Variants in NNT observed in about 807,000 individuals in gnomAD.
NNT encodes the protein NAD(P) transhydrogenase, mitochondrial.
In NNT, 50 loss-of-function variants were observed where a neutral mutation model predicts 104.8. The observed-to-expected ratio is 0.48, with a 90% confidence interval of 0.38 to 0.60. The LOEUF is 0.60. Ranked by LOEUF, NNT falls within the 20% of genes least tolerant of loss-of-function variation. NNT has a pLI of 0.00. For synonymous variants in NNT, 461 were observed against 490.4 expected (o/e 0.94, Z 0.79); for missense variants, 1,131 against 1,330.7 (o/e 0.85, Z 2.33).
chr5:43,628,441 A>T, intron 7 of NNT, 54 bp downstream of exon 7: 1 of 1,371,794 alleles, frequency 7.3e-7, no homozygotes, highest in African/African-American at 1.5e-5. Flanking sequence ...TTTTTTTTTA[A>T]AAAAAAGCGA....
intron 1 of NNT, among the ~76,000 whole-genome samples, chr5:43,605,334 G>A (rs917134051): frequency 3.3e-5 from 5 of 150,996 alleles, no homozygotes; most frequent in Admixed American, 6.6e-5. Flanking sequence ...GGCTAACAAG[G>A]TGAAACCCCG....
At chr5:43,623,884 C>T (rs947591866) in intron 5 of NNT, 148 bp from the exon 6 acceptor site, 2 of 748,086 alleles carry the variant, frequency 2.7e-6, no homozygotes, top group Non-Finnish European at 4.8e-6. Context: ...GTACTCCATA[C>T]AGTTACTAAG....
intron 19 of NNT, among the ~76,000 whole-genome samples, chr5:43,690,908 A>G (rs1333487829): frequency 6.6e-6 from 1 of 152,250 alleles, no homozygotes; most frequent in African/African-American, 2.4e-5. Context: ...GTTAACAAAA[A>G]GCTTTTTTTT....
Position 43,648,414 on chromosome 5 carries a change from C to T in NNT, c.1445-733C>T, listed in dbSNP as rs116805683. ...TGCAGAACAACTGTCCACATGTTTG[C>T]TATCAAGGAAGGCGATAATTAAAGA... On this transcript the variant is annotated intron_variant, in intron 10 of 21. Transcript: ENST00000344920. 3.2e-3 allele frequency: 536 copies of T among 169,556 alleles called. 1 individual carries two copies. The highest frequency in any genetic ancestry group is 4.8e-3 in the Non-Finnish European group (393 of 81,166). The allele number at this position is 169,556 out of a possible 1,614,324, so 10.5% of individuals were successfully genotyped here. A position where few individuals can be genotyped will look rare whatever the true frequency, so the allele number is the denominator to read the frequency against.
intron 17 of NNT, among the ~76,000 whole-genome samples, chr5:43,673,516 CA>C (rs752909178): frequency 1.3e-5 from 2 of 152,034 alleles, no homozygotes; most frequent in Admixed American, 6.5e-5. Context: ...ATTTTAAGGG[CA>C]AAAATTTGGT....
intron 1 of NNT, among the ~76,000 whole-genome samples, chr5:43,606,313 A>T (rs1259851419): frequency 6.6e-6 from 1 of 152,018 alleles, no homozygotes; most frequent in African/African-American, 2.4e-5. Flanking sequence ...AAAAAATCTC[A>T]CTCAAGACAA....
At chr5:43,681,259 C>CA (rs559273026) in intron 19 of NNT, among the ~76,000 whole-genome samples, 3,936 of 57,902 alleles carry the variant, frequency 0.068, 123 homozygotes, top group Middle Eastern at 0.094. Flanking sequence ...GGCTCCTTCT[C>CA]AAAAAAAAAA....
At chr5:43,654,525 C>G (rs1739941365) in intron 14 of NNT, among the ~76,000 whole-genome samples, 1 of 152,208 alleles carries the variant, frequency 6.6e-6, no homozygotes, top group South Asian at 2.1e-4. Context: ...TTACTTTCGT[C>G]TTACTTATTA....
At chr5:43,661,554 T>TC (rs1471183911) in intron 17 of NNT, among the ~76,000 whole-genome samples, 1 of 79,058 alleles carries the variant, frequency 1.3e-5, no homozygotes, top group East Asian at 4.3e-4. Flanking sequence ...ATGCTATCCC[T>TC]CCCCCCTCCC....
intron 5 of NNT, among the ~76,000 whole-genome samples, chr5:43,620,242 C>T (rs28582463): frequency 0.044 from 6,615 of 151,324 alleles, 470 homozygotes; most frequent in African/African-American, 0.15. Flanking sequence ...TTTTTTGAGA[C>T]GGAGTCTCAC....
chr5:43,653,659 T>G (rs1739888571), intron 14 of NNT: 1 of 152,734 alleles, frequency 6.5e-6, no homozygotes, highest in Admixed American at 6.5e-5. Context: ...ATTGTTAAAT[T>G]TTCAGGAATT....
intron 8 of NNT, 97 bp downstream of exon 8, chr5:43,644,422 G>A: frequency 6.1e-6 from 9 of 1,466,096 alleles, no homozygotes; most frequent in Middle Eastern, 1.9e-4. Flanking sequence ...ATTAAGGCTT[G>A]AAATTTTAAA....
At chr5:43,682,160 C>T (rs1471593209) in intron 19 of NNT, among the ~76,000 whole-genome samples, 3 of 147,316 alleles carry the variant, frequency 2.0e-5, no homozygotes, top group Non-Finnish European at 3.0e-5. Context: ...TCTTTGAAGA[C>T]ACTTGAAAAT....
In NNT at chr5:43,636,336, G is replaced by C. The variant is rs114644475; in HGVS notation, c.965-7856G>C. On this transcript the variant is annotated intron_variant, in intron 7 of 21. Transcript: ENST00000344920. Reference sequence around the variant, plus strand: ...AGGATTATGTGGACCATTGAAGATGGTGCCTCATGAATCCACCCATGAAGT... The same window carrying C: ...AGGATTATGTGGACCATTGAAGATGCTGCCTCATGAATCCACCCATGAAGT... Among the ~76,000 whole-genome samples, 860 of 152,256 alleles carry C rather than the reference G, an allele frequency of 5.6e-3. 6 individuals carry two copies. The highest frequency in any genetic ancestry group is 0.019 in the African/African-American group (781 of 41,548).
chr5:43,643,604 C>A (rs1385527250), intron 7 of NNT, among the ~76,000 whole-genome samples: 1 of 152,120 alleles, frequency 6.6e-6, no homozygotes, highest in Non-Finnish European at 1.5e-5. Context: ...ACTCCTAAAC[C>A]TTTTGGAGTT....
chr5:43,677,839 G>A, intron 19 of NNT, 33 bp downstream of exon 19: 1 of 1,503,396 alleles, frequency 6.7e-7, no homozygotes, highest in African/African-American at 1.4e-5. Context: ...CTTGCACTAT[G>A]TGTAAAGATG....
chr5:43,677,016 G>A (rs770806398), intron 18 of NNT, among the ~76,000 whole-genome samples: 9 of 152,010 alleles, frequency 5.9e-5, no homozygotes, highest in Non-Finnish European at 1.2e-4. Context: ...GATGACTGAA[G>A]TTCTTGGTTA....
intron 18 of NNT, 144 bp downstream of exon 18, chr5:43,675,814 G>A (rs1210598117): frequency 1.6e-6 from 1 of 629,418 alleles, no homozygotes; most frequent in African/African-American, 1.9e-5. Context: ...TGATTACTAA[G>A]TGAAAAATAC....
chr5:43,622,291 A>G (rs2111634201), intron 5 of NNT, among the ~76,000 whole-genome samples: 1 of 152,334 alleles, frequency 6.6e-6, no homozygotes, highest in African/African-American at 2.4e-5. Flanking sequence ...TGGCTTAAAC[A>G]ATTGTGCATA....
Sources: gnomAD v4.1 joint callset for allele counts (sites outside exome capture counted in the v4.1 genomes callset) on GRCh38, gnomAD v4.1.1 for gene constraint, MANE v1.5 for transcripts, NCBI Gene and HGNC (gene_info 2026-07-23, HGNC 2026-07-21) for gene names.